The following SORCS2 variants were observed in gnomAD, a reference collection of about 807,000 sequenced individuals.
SORCS2 encodes VPS10 domain-containing receptor SorCS2.
Under a neutral mutation model 141.6 loss-of-function variants are expected in SORCS2, and 100 were observed. The ratio of observed to expected loss-of-function variants is 0.71; its 90% CI spans 0.60 to 0.83. The LOEUF is 0.83. Among genes scored for constraint, SORCS2 ranks in the 40% least tolerant of loss-of-function variants. SORCS2 has a pLI of 0.00. For missense variants in SORCS2, 1,646 were observed against 1,560.2 expected, an observed-to-expected ratio of 1.05 and a Z score of -0.93; for synonymous variants, 789 against 676.9, an observed-to-expected ratio of 1.17 and a Z score of -2.57.
At chr4:7,732,012 G>A (rs12233882) in intron 23 of SORCS2, among the ~76,000 whole-genome samples, 73,346 of 151,896 alleles carry the variant, frequency 0.48, 17,960 homozygotes, top group East Asian at 0.59. Context: ...TGAAGAGATG[G>A]CCCACAGAAT....
At chr4:7,395,608 A>T (rs10033441) in intron 1 of SORCS2, among the ~76,000 whole-genome samples, 22,619 of 152,144 alleles carry the variant, frequency 0.15, 1,827 homozygotes, top group Non-Finnish European at 0.18. Flanking sequence ...TTTCATTTTT[A>T]TAAATAGTTG....
intron 24 of SORCS2, 82 bp downstream of exon 24, chr4:7,733,503 G>T: frequency 1.7e-6 from 2 of 1,148,004 alleles, no homozygotes; most frequent in Non-Finnish European, 2.4e-6. Context: ...CAGGGCCCTC[G>T]GGCAGATGGC....
chr4:7,693,119 C>T (rs1724364520), intron 11 of SORCS2, among the ~76,000 whole-genome samples: 1 of 152,192 alleles, frequency 6.6e-6, no homozygotes, highest in Non-Finnish European at 1.5e-5. Context: ...GAACGGCTGG[C>T]TCCCTTCTGA....
chr4:7,619,713 TTC>T (rs1560431083), intron 3 of SORCS2, among the ~76,000 whole-genome samples: 1 of 152,138 alleles, frequency 6.6e-6, no homozygotes, highest in Non-Finnish European at 1.5e-5. Flanking sequence ...TTTCCCTGCC[TTC>T]TCTCTCAAGG....
chr4:7,380,952 G>T (rs1419531846), intron 1 of SORCS2, among the ~76,000 whole-genome samples: 11 of 152,096 alleles, frequency 7.2e-5, no homozygotes, highest in South Asian at 2.1e-4. Flanking sequence ...TGTGGTGGCA[G>T]GTGCCTGTAG....
chr4:7,627,903 CA>C (rs2108841318), intron 3 of SORCS2, among the ~76,000 whole-genome samples: 1 of 152,346 alleles, frequency 6.6e-6, no homozygotes, highest in East Asian at 1.9e-4. Context: ...CTGCAAGTAT[CA>C]GGAGGTCAGG....
chr4:7,613,957 C>T (rs1048752305), intron 3 of SORCS2, among the ~76,000 whole-genome samples: 1 of 152,062 alleles, frequency 6.6e-6, no homozygotes, highest in African/African-American at 2.4e-5. Context: ...TCATTATCCA[C>T]CCATCCACCA....
At chr4:7,704,787 G>A (rs894765557) in intron 14 of SORCS2, among the ~76,000 whole-genome samples, 2 of 152,210 alleles carry the variant, frequency 1.3e-5, no homozygotes, top group East Asian at 3.9e-4. Context: ...TGCGGCGTTC[G>A]ACTGCACCGC....
intron 17 of SORCS2, 65 bp downstream of exon 17, chr4:7,715,376 A>G (rs967545544): frequency 6.9e-6 from 11 of 1,586,300 alleles, no homozygotes; most frequent in Non-Finnish European, 8.6e-7. Context: ...CAGCCCCGAA[A>G]CCACGCCTTC....
In SORCS2 at chr4:7,222,415, T is replaced by C. The variant is rs34673855; in HGVS notation, c.480+29289T>C. Reference sequence around the variant, plus strand: ...CACATACTGTATGGCTGCATGTCTATGGAATGTCTAGAATAGAGACAGCCA... The same window carrying C: ...CACATACTGTATGGCTGCATGTCTACGGAATGTCTAGAATAGAGACAGCCA... On this transcript the variant is annotated intron_variant, in intron 1 of 26. Coordinates refer to ENST00000507866, the MANE Select transcript of SORCS2 (RefSeq NM_020777.3). 7.2e-3 allele frequency among the ~76,000 whole-genome samples: 1,096 copies of C among 152,316 alleles called. 9 individuals carry two copies. Among genetic ancestry groups the C allele is most frequent in the South Asian group, 0.018 (89 of 4,832 alleles).
At position 7,698,097 on chromosome 4, in the gene SORCS2, G is replaced by C. The variant is rs571499834; in HGVS notation, c.1668+823G>C. Among the ~76,000 whole-genome samples the C allele has an allele frequency of 2.3e-3, 349 of 152,322 alleles. 4 individuals carry two copies. Among genetic ancestry groups the C allele is most frequent in the African/African-American group, 8.0e-3 (331 of 41,570 alleles). ...TCCACGCCTGGGCTCCCCACCCCAG[G>C]AGGGGGCACCGCCTCACTGTACACT... On this transcript the variant is annotated intron_variant, in intron 12 of 26. Coordinates refer to ENST00000507866, the MANE Select transcript of SORCS2 (RefSeq NM_020777.3).
intron 11 of SORCS2, among the ~76,000 whole-genome samples, chr4:7,691,160 G>T (rs967213509): frequency 1.3e-5 from 2 of 152,246 alleles, no homozygotes; most frequent in East Asian, 1.9e-4. Context: ...CCACACAGAG[G>T]GGGTGGCTGT....
chr4:7,271,597 A>T (rs1401442014), intron 1 of SORCS2, among the ~76,000 whole-genome samples: 1 of 152,168 alleles, frequency 6.6e-6, no homozygotes, highest in Non-Finnish European at 1.5e-5. Context: ...GACACGTGTT[A>T]TCTAAAATGC....
chr4:7,705,486 G>A (rs900286614), intron 14 of SORCS2, among the ~76,000 whole-genome samples: 1 of 152,240 alleles, frequency 6.6e-6, no homozygotes, highest in Non-Finnish European at 1.5e-5. Context: ...TAGGCACAGG[G>A]AGATTGGACA....
At chr4:7,367,089 A>C (rs1197049482) in intron 1 of SORCS2, among the ~76,000 whole-genome samples, 1 of 152,214 alleles carries the variant, frequency 6.6e-6, no homozygotes, top group Admixed American at 6.5e-5. Flanking sequence ...CTCGGAGTAC[A>C]AGATCCCCAA....
At chr4:7,388,842 G>A (rs571898536) in intron 1 of SORCS2, among the ~76,000 whole-genome samples, 3 of 152,282 alleles carry the variant, frequency 2.0e-5, no homozygotes, top group Admixed American at 6.5e-5. Flanking sequence ...CACCCCCGGC[G>A]ATCCCCCCAG....
intron 2 of SORCS2, among the ~76,000 whole-genome samples, chr4:7,494,080 C>T (rs1057391614): frequency 6.6e-6 from 1 of 152,128 alleles, no homozygotes; most frequent in African/African-American, 2.4e-5. Flanking sequence ...CTCATACGTT[C>T]ACATATGGAC....
chr4:7,387,899 GAGATATACACACAT>G (rs1723548022), intron 1 of SORCS2, among the ~76,000 whole-genome samples: 2 of 137,516 alleles, frequency 1.5e-5, no homozygotes, highest in Non-Finnish European at 3.1e-5. Context: ...CAGGCACACA[GAGATATACACACAT>G]GCACACACCC....
intron 2 of SORCS2, among the ~76,000 whole-genome samples, chr4:7,528,043 GTCTC>G (rs1244726245): frequency 6.8e-6 from 1 of 147,862 alleles, no homozygotes; most frequent in Non-Finnish European, 1.5e-5. Context: ...CTCTCTCTCT[GTCTC>G]TCTCTGTCTC....
Sources: gnomAD v4.1 joint callset for allele counts (sites outside exome capture counted in the v4.1 genomes callset) on GRCh38, gnomAD v4.1.1 for gene constraint, MANE v1.5 for transcripts, NCBI Gene and HGNC (gene_info 2026-07-23, HGNC 2026-07-21) for gene names.